PCDHA10: variants seen among roughly 807,000 people sequenced by gnomAD.
PCDHA10 encodes the protein protocadherin alpha 10, also known as protocadherin alpha-10.
Under a neutral mutation model 61.2 loss-of-function variants are expected in PCDHA10, and 45 were observed. The observed-to-expected ratio is 0.74, with a 90% CI of 0.58 to 0.94. PCDHA10 has a LOEUF of 0.94. PCDHA10 is among the 40% of genes least tolerant of loss of function. PCDHA10 has a pLI of 0.00. For missense variants in PCDHA10, 1,278 were observed against 1,236.2 expected (o/e 1.03, Z -0.51); for synonymous variants, 602 against 548.8 (o/e 1.10, Z -1.35).
chr5:140,984,086 A>C (rs187283969), intron 3 of PCDHA10, among the ~76,000 whole-genome samples: 1 of 152,356 alleles, frequency 6.6e-6, no homozygotes, highest in Admixed American at 6.5e-5. Flanking sequence ...GGAGTGAAGA[A>C]ATGATGGAGG....
At chr5:140,949,944 T>TTTAGTGG (rs2094435490) in intron 1 of PCDHA10, among the ~76,000 whole-genome samples, 1 of 151,908 alleles carries the variant, frequency 6.6e-6, no homozygotes, top group South Asian at 2.1e-4. Context: ...ATTTGCATTT[T>TTTAGTGG]TTAGTGGTTG....
chr5:141,005,333 A>T (rs1554260005), intron 3 of PCDHA10, among the ~76,000 whole-genome samples: 1 of 152,224 alleles, frequency 6.6e-6, no homozygotes, highest in Non-Finnish European at 1.5e-5. Flanking sequence ...TAATAGGCCA[A>T]GGGGGTGCTG....
chr5:140,936,113 G>T (rs1316824905), intron 1 of PCDHA10, among the ~76,000 whole-genome samples: 1 of 151,964 alleles, frequency 6.6e-6, no homozygotes, highest in African/African-American at 2.4e-5. Flanking sequence ...GGCTGGTCTC[G>T]AACTCCTGAC....
At position 140,976,923 on chromosome 5, in the gene PCDHA10, C is replaced by T. The variant is rs2096737530; in HGVS notation, c.2389-2026C>T. Among the ~76,000 whole-genome samples the T allele has an allele frequency of 2.0e-5, 3 of 152,236 alleles. No individual in the cohort carries two copies. The South Asian group carries it at 6.2e-4, about 32-fold the overall frequency. On this transcript the variant is annotated intron_variant, in intron 1 of 3. Transcript: ENST00000307360. The stretch of plus-strand genomic sequence containing the variant: ...ATGTAATAAAGTGCAAAATCTAGTA[C>T]TGTGTAGCTACTTAAAACATATTAT...
chr5:140,966,924 C>T (rs1554228895), intron 1 of PCDHA10: 2 of 1,602,624 alleles, frequency 1.2e-6, no homozygotes, highest in Admixed American at 1.7e-5. Context: ...GAGGAGCAGG[C>T]ACCCGGCGCG....
At chr5:140,919,610 T>G (rs1173177727) in intron 1 of PCDHA10, among the ~76,000 whole-genome samples, 1 of 152,216 alleles carries the variant, frequency 6.6e-6, no homozygotes, top group Non-Finnish European at 1.5e-5. Flanking sequence ...AATTTTAAAC[T>G]GTATCTTTTG....
rs116202025 is a variant in PCDHA10, at chr5:140,975,505, A to G, written c.2389-3444A>G. ...ATATCAATGTTCATAAAATAGCACTATGCAAAATCTGCAGTGGATATATTC... is the reference window on the plus strand; with the variant it reads ...ATATCAATGTTCATAAAATAGCACTGTGCAAAATCTGCAGTGGATATATTC... On this transcript the variant is annotated intron_variant, in intron 1 of 3. Transcript: ENST00000307360. Among the ~76,000 whole-genome samples, 512 of 152,350 alleles carry G rather than the reference A, an allele frequency of 3.4e-3. 3 individuals are homozygous for G. Among genetic ancestry groups the G allele is most frequent in the Middle Eastern group, 6.8e-3 (2 of 294 alleles).
At chr5:140,883,636 G>A (rs781839349) in intron 1 of PCDHA10, 5 of 1,613,974 alleles carry the variant, frequency 3.1e-6, no homozygotes, top group South Asian at 2.2e-5. Context: ...CGGCGTTCGC[G>A]CAGCCCGAGT....
At chr5:140,880,731 GAA>G (rs2058452770) in intron 1 of PCDHA10, among the ~76,000 whole-genome samples, 1 of 152,216 alleles carries the variant, frequency 6.6e-6, no homozygotes, top group Non-Finnish European at 1.5e-5. Flanking sequence ...GAAGCATAGA[GAA>G]AATGGATTGT....
chr5:140,877,054 C>T (rs1226224209), intron 1 of PCDHA10: 3 of 1,612,658 alleles, frequency 1.9e-6, no homozygotes, highest in African/African-American at 2.7e-5. Flanking sequence ...CCACGAGGAG[C>T]TGGAGCTGCT....
chr5:140,938,268 T>C (rs2091998417), intron 1 of PCDHA10, among the ~76,000 whole-genome samples: 1 of 152,190 alleles, frequency 6.6e-6, no homozygotes, highest in Non-Finnish European at 1.5e-5. Context: ...TCTAATCACA[T>C]AGTTTTCTTG....
chr5:140,967,107 G>A (rs782199698), intron 1 of PCDHA10: 12 of 1,612,876 alleles, frequency 7.4e-6, no homozygotes, highest in Non-Finnish European at 9.3e-6. Context: ...TGTGAGCAGC[G>A]GCCTCGCTGC....
intron 1 of PCDHA10, among the ~76,000 whole-genome samples, chr5:140,917,650 T>G (rs897307157): frequency 1.5e-4 from 23 of 152,226 alleles, no homozygotes; most frequent in African/African-American, 5.5e-4. Context: ...CCAGCAATAT[T>G]GAGTAGGAAG....
intron 1 of PCDHA10, among the ~76,000 whole-genome samples, chr5:140,923,708 T>C (rs1554201570): frequency 1.3e-5 from 2 of 152,216 alleles, no homozygotes; most frequent in Non-Finnish European, 2.9e-5. Context: ...CCAATTTACT[T>C]GAATAAGAAT....
chr5:140,905,776 GT>G (rs1255347430), intron 1 of PCDHA10, among the ~76,000 whole-genome samples: 1 of 152,068 alleles, frequency 6.6e-6, no homozygotes, highest in African/African-American at 2.4e-5. Flanking sequence ...ATTCCGAAGT[GT>G]ATTAGTCAGG....
At chr5:140,892,324 C>T (rs1158961031) in intron 1 of PCDHA10, among the ~76,000 whole-genome samples, 3 of 152,308 alleles carry the variant, frequency 2.0e-5, no homozygotes, top group Non-Finnish European at 4.4e-5. Context: ...CATTTTCTTT[C>T]TCCAGAATGG....
intron 1 of PCDHA10, among the ~76,000 whole-genome samples, chr5:140,872,775 A>G (rs2053889520): frequency 1.3e-5 from 2 of 152,182 alleles, no homozygotes; most frequent in Non-Finnish European, 1.5e-5. Context: ...TATATTATCT[A>G]TAATATATGC....
intron 1 of PCDHA10, chr5:140,882,459 T>G (rs782544853): frequency 6.2e-7 from 1 of 1,613,996 alleles, no homozygotes; most frequent in South Asian, 1.1e-5. Context: ...CCGCGCCTGT[T>G]CCGGGTGGCG....
intron 1 of PCDHA10, chr5:140,928,771 A>C: frequency 6.2e-7 from 1 of 1,613,998 alleles, no homozygotes; most frequent in Non-Finnish European, 8.5e-7. Context: ...AGTTCTTCCC[A>C]CTGATGCAGT....
Sources: gnomAD v4.1 joint callset for allele counts (sites outside exome capture counted in the v4.1 genomes callset) on GRCh38, gnomAD v4.1.1 for gene constraint, MANE v1.5 for transcripts, NCBI Gene and HGNC (gene_info 2026-07-23, HGNC 2026-07-21) for gene names.